Variants in SYNRG observed in about 807,000 individuals in gnomAD.
SYNRG encodes synergin gamma, also known as AP1 gamma subunit binding protein 1.
SYNRG carries 37 observed loss-of-function variants against 130.9 expected under a neutral mutation model. The ratio of observed to expected loss-of-function variants is 0.28; its 90% confidence interval spans 0.22 to 0.37. The LOEUF (loss-of-function observed/expected upper bound fraction) is 0.37. Among genes scored for constraint, SYNRG ranks in the 10% least tolerant of loss-of-function variants. The probability of loss-of-function intolerance (pLI) is 1.00; values close to 1 mark genes in which losing one functional copy is unlikely to be tolerated. For synonymous variants in SYNRG, 539 were observed against 568.1 expected (o/e 0.95, Z 0.73); for missense variants, 1,338 against 1,588.9 (o/e 0.84, Z 2.68).
intron 19 of SYNRG, among the ~76,000 whole-genome samples, chr17:37,524,347 T>C (rs189270647): frequency 1.3e-5 from 2 of 151,786 alleles, no homozygotes; most frequent in East Asian, 1.9e-4. Context: ...ATGTGTAGAT[T>C]ATGTATGATG....
At chr17:37,521,938 C>G (rs1156998211) in intron 19 of SYNRG, among the ~76,000 whole-genome samples, 1 of 151,966 alleles carries the variant, frequency 6.6e-6, no homozygotes, top group Non-Finnish European at 1.5e-5. Context: ...TCAGTTTGGT[C>G]CAAGCTGAGC....
At chr17:37,552,582 A>G (rs1280842399) in intron 14 of SYNRG, among the ~76,000 whole-genome samples, 3 of 152,186 alleles carry the variant, frequency 2.0e-5, no homozygotes, top group African/African-American at 7.2e-5. Context: ...ATTCATATAT[A>G]AACTCTTTCC....
intron 8 of SYNRG, 129 bp from the exon 9 acceptor site, chr17:37,572,116 G>C: frequency 1.3e-6 from 1 of 782,122 alleles, no homozygotes; most frequent in Non-Finnish European, 2.0e-6. Flanking sequence ...CCATGTCAGG[G>C]TTTAAATTGC....
intron 14 of SYNRG, among the ~76,000 whole-genome samples, chr17:37,546,657 C>T (rs1416953226): frequency 1.3e-5 from 2 of 152,182 alleles, no homozygotes; most frequent in Non-Finnish European, 1.5e-5. Context: ...GACGGCCAAG[C>T]TCATTCCCAG....
rs1345268906 is a variant in SYNRG, at chr17:37,554,019, A to G, written c.1704T>C (p.Asp568=). Residue 568 remains aspartate (D), a synonymous_variant, in exon 14 of 22, where the codon GAT becomes GAC. Coordinates refer to ENST00000612223, the MANE Select transcript of SYNRG (RefSeq NM_007247.6). ...FAEFRSAGTD[D]GFTDFKTADS... ...CGGCTGTTTTAAAATCGGTGAAACC[A>G]TCATCAGTTCCTGCAGATCTGAATT... 2 of 1,606,998 alleles carry G rather than the reference A, an allele frequency of 1.2e-6. No individual in the cohort carries two copies. The highest frequency in any genetic ancestry group is 1.7e-4 in the Middle Eastern group (1 of 6,044).
intron 10 of SYNRG, among the ~76,000 whole-genome samples, chr17:37,569,737 G>T (rs2060277873): frequency 6.7e-6 from 1 of 150,148 alleles, no homozygotes; most frequent in Non-Finnish European, 1.5e-5. Flanking sequence ...ATGCATGTTT[G>T]CAAATTAAGT....
chr17:37,585,523 T>G lies in SYNRG; in HGVS notation c.372-93A>C, dbSNP rs1001936436. Reference sequence around the variant, plus strand: ...TCTAACAGTTTCAGCAATATCATGTTGCACTTCCAGAAGTGTAAATTTCAT... The same window carrying G: ...TCTAACAGTTTCAGCAATATCATGTGGCACTTCCAGAAGTGTAAATTTCAT... On this transcript the variant is annotated intron_variant, in intron 4 of 21. Coordinates refer to ENST00000612223, the MANE Select transcript of SYNRG (RefSeq NM_007247.6). 5.9e-6 allele frequency: 5 copies of G among 843,166 alleles called. No homozygotes were observed. In the Admixed American group the frequency reaches 1.2e-4, roughly 20 times the overall value. The allele number at this position is 843,166 out of a possible 1,614,324, so 52.2% of individuals were successfully genotyped here.
In SYNRG at chr17:37,518,937, T is replaced by G; in HGVS notation, c.*3A>C. The G allele has an allele frequency of 1.0e-5, 16 of 1,606,326 alleles. No individual in the cohort carries two copies. In the South Asian group the frequency reaches 1.0e-4, roughly 10 times the overall value. ...AAAAGTCAATGCTTCACAGAGGAGT[T>G]GTTCAGAGCAGGTCAGGCAGGACGA... On this transcript the variant is annotated 3_prime_UTR_variant, in exon 22 of 22. Transcript: ENST00000612223.
At chr17:37,602,448 T>A (rs775975246) in intron 1 of SYNRG, among the ~76,000 whole-genome samples, 1 of 151,594 alleles carries the variant, frequency 6.6e-6, no homozygotes, top group African/African-American at 2.4e-5. Context: ...GAAAACTGAG[T>A]AGGAAATGGT....
At position 37,553,437 on chromosome 17, in the gene SYNRG, G is replaced by A; in HGVS notation, c.2286C>T (p.Asp762=). The change falls in exon 14 of 22, where the codon GAC becomes GAT. Residue 762 remains aspartate, a synonymous_variant. Coordinates refer to ENST00000612223, the MANE Select transcript of SYNRG (RefSeq NM_007247.6). Reference sequence around the variant, plus strand: ...TTCCTGAAGGAGTGTTATCTTTCAGGTCTTCAACACCTAGTCCAGACCCTT... The same window carrying A: ...TTCCTGAAGGAGTGTTATCTTTCAGATCTTCAACACCTAGTCCAGACCCTT... ...SLEGSGLGVE[D]LKDNTPSGKS... The A allele has an allele frequency of 6.2e-7, 1 of 1,614,178 alleles. No individual in the cohort carries two copies. The highest frequency in any genetic ancestry group is 2.2e-5 in the East Asian group (1 of 44,890).
intron 15 of SYNRG, 177 bp from the exon 16 acceptor site, chr17:37,540,720 C>T (rs2057678640): frequency 7.7e-6 from 6 of 777,620 alleles, no homozygotes; most frequent in Admixed American, 3.6e-5. Flanking sequence ...GTGCAACCTC[C>T]GCCTCCTGGG....
intron 14 of SYNRG, among the ~76,000 whole-genome samples, chr17:37,547,463 C>CTT (rs35053528): frequency 3.2e-4 from 44 of 139,010 alleles, no homozygotes; most frequent in Admixed American, 7.9e-4. Flanking sequence ...TCATTTGCTG[C>CTT]TTTTTTTTTT....
At position 37,517,335 on chromosome 17, in the gene SYNRG, T is replaced by C. The variant is rs1280811964; in HGVS notation, c.*1605A>G. ...CTCAGGAAAAGCCTGCCAAAAGCTG[T>C]CCCACTTGTGTTGTTAGAAACACCC... On this transcript the variant is annotated 3_prime_UTR_variant, in exon 22 of 22. Transcript: ENST00000612223. 1 of 152,186 alleles carries C rather than the reference T, an allele frequency of 6.6e-6. No individual in the cohort carries two copies. Among genetic ancestry groups the C allele is most frequent in the East Asian group, 1.9e-4 (1 of 5,188 alleles). The allele number at this position is 152,186 out of a possible 1,614,324, so 9.4% of individuals were successfully genotyped here.
chr17:37,528,750 T>C (rs1450062075), intron 19 of SYNRG, among the ~76,000 whole-genome samples: 4 of 152,196 alleles, frequency 2.6e-5, no homozygotes, highest in Admixed American at 2.0e-4. Context: ...TCTGCTAGAG[T>C]AAAGGCTTCT....
At chr17:37,554,788 T>C (rs903116479) in intron 13 of SYNRG, among the ~76,000 whole-genome samples, 4 of 152,188 alleles carry the variant, frequency 2.6e-5, no homozygotes, top group African/African-American at 9.6e-5. Context: ...AGAAATCAGC[T>C]GTCTCACTGT....
Position 37,572,003 on chromosome 17 carries a change from C to G in SYNRG, c.902-16G>C, listed in dbSNP as rs1317128570. The G allele has an allele frequency of 6.3e-7, 1 of 1,593,392 alleles. No homozygotes were observed. The highest frequency in any genetic ancestry group is 1.4e-5 in the African/African-American group (1 of 73,960). ...TTATAGGCATCTATTAAAGGAAAGA[C>G]CAGATTACAAATGGAAACACATTCC... On this transcript the variant is annotated splice_polypyrimidine_tract_variant and intron_variant, in intron 8 of 21. Transcript: ENST00000612223.
At chr17:37,536,181 C>A in intron 18 of SYNRG, 54 bp from the exon 19 acceptor site, 1 of 1,548,036 alleles carries the variant, frequency 6.5e-7, no homozygotes, top group Non-Finnish European at 8.7e-7. Context: ...CACAGAGGAC[C>A]CAGACAGGGG....
chr17:37,522,669 CTT>C (rs1392175770), intron 19 of SYNRG, among the ~76,000 whole-genome samples: 1 of 125,498 alleles, frequency 8.0e-6, no homozygotes, highest in East Asian at 2.4e-4. Flanking sequence ...GAGGTGGAGT[CTT>C]GCTCTGTAGC....
intron 13 of SYNRG, among the ~76,000 whole-genome samples, chr17:37,558,652 C>A (rs2145569457): frequency 6.6e-6 from 1 of 152,230 alleles, no homozygotes; most frequent in Non-Finnish European, 1.5e-5. Context: ...TAAATTATAG[C>A]CAATCTTGAA....
Sources: gnomAD v4.1 joint callset for allele counts (sites outside exome capture counted in the v4.1 genomes callset) on GRCh38, gnomAD v4.1.1 for gene constraint, MANE v1.5 for transcripts, NCBI Gene and HGNC (gene_info 2026-07-23, HGNC 2026-07-21) for gene names.